Variants in GNB1 observed in about 807,000 individuals in gnomAD.
The protein encoded by GNB1 is G protein subunit beta 1, also known as guanine nucleotide-binding protein G(I)/G(S)/G(T) subunit beta-1.
Under a neutral mutation model 42.9 loss-of-function variants are expected in GNB1, and 2 were observed. The ratio of observed to expected loss-of-function variants is 0.05; its 90% CI spans 0.02 to 0.15. The LOEUF is 0.15. GNB1 is among the 10% of genes least tolerant of loss of function. GNB1 has a pLI of 1.00. For synonymous variants in GNB1, 183 were observed against 174.7 expected (o/e 1.05, Z -0.38); for missense variants, 193 against 462.2 (o/e 0.42, Z 5.34).
chr1:1,803,721 C>T (rs1219798077), intron 7 of GNB1, among the ~76,000 whole-genome samples: 2 of 152,164 alleles, frequency 1.3e-5, no homozygotes, highest in African/African-American at 2.4e-5. Context: ...CAGCGGCTCA[C>T]GCCTATAATC....
chr1:1,862,033 C>T (rs913320511), intron 1 of GNB1, among the ~76,000 whole-genome samples: 5 of 152,070 alleles, frequency 3.3e-5, no homozygotes, highest in Middle Eastern at 3.4e-3. Flanking sequence ...CACCACTGCA[C>T]GCCAGCCTGG....
intron 1 of GNB1, among the ~76,000 whole-genome samples, chr1:1,884,413 T>C (rs1313309253): frequency 6.6e-6 from 1 of 152,058 alleles, no homozygotes; most frequent in Non-Finnish European, 1.5e-5. Context: ...GGTTTCTCCA[T>C]GTTGGTCAGG....
At chr1:1,872,956 G>A (rs1443910701) in intron 1 of GNB1, among the ~76,000 whole-genome samples, 1 of 152,148 alleles carries the variant, frequency 6.6e-6, no homozygotes, top group African/African-American at 2.4e-5. Flanking sequence ...AGGTCACACA[G>A]TATAGGAAAG....
In GNB1 at chr1:1,790,028, T is replaced by C. The variant is rs1468806141; in HGVS notation, c.699+367A>G. Among the ~76,000 whole-genome samples the C allele has an allele frequency of 6.6e-6, 1 of 152,162 alleles. No homozygotes were observed. The highest frequency in any genetic ancestry group is 1.5e-5 in the Non-Finnish European group (1 of 68,024). ...TCACAAGGCCAGGGGCTGGAAACAC[T>C]GCCTAGCCATCCGCGTGCTAAAGAG... On this transcript the variant is annotated intron_variant, in intron 9 of 11. Coordinates refer to ENST00000378609, the MANE Select transcript of GNB1 (RefSeq NM_002074.5). This position sits in a 1 kb window ranked among gnomAD's most constrained non-coding sequence, Gnocchi z 5.4.
chr1:1,793,998 G>A (rs944177793), intron 7 of GNB1: 1 of 152,456 alleles, frequency 6.6e-6, no homozygotes, highest in African/African-American at 2.4e-5. Context: ...GCAGACACGG[G>A]GGTGCTCGTG....
intron 1 of GNB1, among the ~76,000 whole-genome samples, chr1:1,855,514 A>G (rs1272846237): frequency 2.0e-5 from 3 of 151,964 alleles, no homozygotes; most frequent in Non-Finnish European, 4.4e-5. Context: ...ATCCTGGCTA[A>G]CACAGTGAAA....
At chr1:1,834,664 G>C (rs929383791) in intron 2 of GNB1, among the ~76,000 whole-genome samples, 4 of 139,208 alleles carry the variant, frequency 2.9e-5, no homozygotes, top group Admixed American at 2.5e-4. Flanking sequence ...TAAACTCCAA[G>C]CACTTTTTTT....
In GNB1 at chr1:1,790,664, C is replaced by G; in HGVS notation, c.498-68G>C. The G allele has an allele frequency of 9.1e-7, 1 of 1,098,018 alleles. No individual in the cohort carries two copies. Among genetic ancestry groups the G allele is most frequent in the African/African-American group, 1.5e-5 (1 of 65,076 alleles). 68.0% of individuals were successfully genotyped at this position (1,098,018 alleles called of 1,614,324 possible). On this transcript the variant is annotated intron_variant, in intron 8 of 11. Coordinates refer to ENST00000378609, the MANE Select transcript of GNB1 (RefSeq NM_002074.5). The surrounding 1 kb of genome is among the most constrained non-coding windows in gnomAD (Gnocchi z 5.4). ...CTTGGGTGGCTAGTCATGTGACAGA[C>G]AATCTGTCCTTCAAACCACCCAGGG... is the stretch of plus-strand genomic sequence containing the variant.
chr1:1,879,396 A>T (rs1649717465), intron 1 of GNB1, among the ~76,000 whole-genome samples: 1 of 152,246 alleles, frequency 6.6e-6, no homozygotes, highest in African/African-American at 2.4e-5. Context: ...ACCATACATA[A>T]CATTTTTATA....
At chr1:1,809,625 A>G (rs1646748249) in intron 5 of GNB1, among the ~76,000 whole-genome samples, 2 of 152,240 alleles carry the variant, frequency 1.3e-5, no homozygotes, top group Non-Finnish European at 2.9e-5. Context: ...TCATCCTCCT[A>G]GATTAGGAGG....
chr1:1,888,367 CAA>C (rs755158256), intron 1 of GNB1, among the ~76,000 whole-genome samples: 17 of 118,102 alleles, frequency 1.4e-4, no homozygotes, highest in South Asian at 2.9e-4. Context: ...CTCTCAATCT[CAA>C]AAAAAAAAAA....
chr1:1,830,706 C>A (rs1256824278), intron 2 of GNB1, among the ~76,000 whole-genome samples: 1 of 152,072 alleles, frequency 6.6e-6, no homozygotes. Context: ...CCCATCACAC[C>A]CAGCTATTTT....
intron 1 of GNB1, 57 bp downstream of exon 1, chr1:1,890,763 G>A (rs1158486125): frequency 6.7e-6 from 1 of 148,322 alleles, no homozygotes; most frequent in South Asian, 2.1e-4. Flanking sequence ...GGCGCCCCCA[G>A]GGCGGGCGGG....
intron 2 of GNB1, among the ~76,000 whole-genome samples, chr1:1,832,788 A>C (rs958200093): frequency 6.6e-6 from 1 of 152,226 alleles, no homozygotes; most frequent in Non-Finnish European, 1.5e-5. Flanking sequence ...TAGGGTACAG[A>C]TATTGAAAAA....
intron 1 of GNB1, among the ~76,000 whole-genome samples, chr1:1,861,810 T>C (rs1570730064): frequency 6.6e-6 from 1 of 151,966 alleles, no homozygotes; most frequent in African/African-American, 2.4e-5. Flanking sequence ...ATCTCTGGGG[T>C]ATTCAGCTCA....
intron 2 of GNB1, among the ~76,000 whole-genome samples, chr1:1,834,660 C>T (rs928727002): frequency 6.8e-6 from 1 of 147,502 alleles, no homozygotes; most frequent in African/African-American, 2.5e-5. Context: ...AGGCTAAACT[C>T]CAAGCACTTT....
chr1:1,878,502 T>C (rs1005096579), intron 1 of GNB1, among the ~76,000 whole-genome samples: 1 of 152,086 alleles, frequency 6.6e-6, no homozygotes, highest in African/African-American at 2.4e-5. Context: ...TCTTCTCACC[T>C]CCTCCTACTC....
intron 1 of GNB1, among the ~76,000 whole-genome samples, chr1:1,858,830 A>G (rs1274665790): frequency 1.4e-4 from 21 of 152,172 alleles, no homozygotes; most frequent in Admixed American, 1.4e-3. Flanking sequence ...TCACATCCTA[A>G]TAAAGCCCTG....
chr1:1,824,351 T>C (rs1408064011), intron 3 of GNB1, among the ~76,000 whole-genome samples: 1 of 152,142 alleles, frequency 6.6e-6, no homozygotes, highest in Non-Finnish European at 1.5e-5. Flanking sequence ...CAGAAAGTTA[T>C]GAGGCAAGAG....
Sources: gnomAD v4.1 joint callset for allele counts (sites outside exome capture counted in the v4.1 genomes callset) on GRCh38, gnomAD v4.1.1 for gene constraint, Gnocchi (gnomAD v3.1) non-coding constraint, MANE v1.5 for transcripts, NCBI Gene and HGNC (gene_info 2026-07-23, HGNC 2026-07-21) for gene names.